Variants in NRXN3 observed in about 807,000 individuals in gnomAD.
The protein encoded by NRXN3 is neurexin 3, also known as neurexin III.
Under a neutral mutation model 137.6 loss-of-function variants are expected in NRXN3, and 32 were observed. That is an observed-to-expected ratio of 0.23 (90% CI 0.18 to 0.31). NRXN3 has a LOEUF of 0.31. NRXN3 is among the 10% of genes least tolerant of loss of function. The probability of loss-of-function intolerance (pLI) is 1.00; values close to 1 mark genes in which losing one functional copy is unlikely to be tolerated. For missense variants in NRXN3, 1,574 were observed against 2,062.5 expected (o/e 0.76, Z 4.59); for synonymous variants, 798 against 784.5 (o/e 1.02, Z -0.29).
intron 17 of NRXN3, among the ~76,000 whole-genome samples, chr14:79,676,189 T>C (rs972691086): frequency 1.1e-4 from 17 of 152,106 alleles, no homozygotes; most frequent in African/African-American, 3.6e-4. Flanking sequence ...TAGCCCACTT[T>C]AGAGGTGGCT....
intron 3 of NRXN3, among the ~76,000 whole-genome samples, chr14:78,291,391 T>C (rs2075789739): frequency 6.6e-6 from 1 of 152,214 alleles, no homozygotes; most frequent in African/African-American, 2.4e-5. Flanking sequence ...TTATTGTAAT[T>C]CTCTTTACCA....
chr14:78,659,130 G>A (rs531126680), intron 6 of NRXN3, among the ~76,000 whole-genome samples: 7 of 152,196 alleles, frequency 4.6e-5, no homozygotes, highest in African/African-American at 9.6e-5. Flanking sequence ...GATTGGTGTC[G>A]TTATAAGAAG....
At chr14:79,571,169 A>G (rs754844519) in intron 16 of NRXN3, among the ~76,000 whole-genome samples, 22 of 152,180 alleles carry the variant, frequency 1.4e-4, no homozygotes, top group Admixed American at 2.6e-4. Flanking sequence ...TGCCTGCAAT[A>G]TATGCCAGAG....
chr14:79,608,863 A>T (rs1283418361), intron 16 of NRXN3, among the ~76,000 whole-genome samples: 1 of 151,904 alleles, frequency 6.6e-6, no homozygotes, highest in South Asian at 2.1e-4. Flanking sequence ...AAAAGTGTTT[A>T]TTGACGAGCC....
At chr14:79,847,627 A>G (rs1603619321) in intron 20 of NRXN3, among the ~76,000 whole-genome samples, 1 of 152,318 alleles carries the variant, frequency 6.6e-6, no homozygotes, top group Non-Finnish European at 1.5e-5. Flanking sequence ...CAAATGCATC[A>G]AGATGTTATT....
chr14:79,782,450 G>T (rs1015428396), intron 19 of NRXN3, among the ~76,000 whole-genome samples: 1 of 152,090 alleles, frequency 6.6e-6, no homozygotes, highest in Non-Finnish European at 1.5e-5. Flanking sequence ...AGTAAAACAC[G>T]CATACAAATG....
chr14:78,814,636 G>A (rs2098925926), intron 10 of NRXN3, among the ~76,000 whole-genome samples: 1 of 152,026 alleles, frequency 6.6e-6, no homozygotes. Context: ...AAAAACAAAA[G>A]CAAAAAGAAC....
intron 19 of NRXN3, among the ~76,000 whole-genome samples, chr14:79,733,675 T>TTG (rs2098932016): frequency 3.2e-5 from 2 of 62,812 alleles, no homozygotes; most frequent in African/African-American, 1.4e-4. Context: ...GCTGTTGTTG[T>TTG]TTTTTTTTTT....
At chr14:79,836,712 C>G (rs959469710) in intron 20 of NRXN3, among the ~76,000 whole-genome samples, 27 of 152,178 alleles carry the variant, frequency 1.8e-4, no homozygotes, top group Non-Finnish European at 4.4e-5. Flanking sequence ...TGGGACAGAG[C>G]TTTCCAGAGC....
chr14:79,385,906 C>T (rs552446883), intron 15 of NRXN3, among the ~76,000 whole-genome samples: 5 of 152,076 alleles, frequency 3.3e-5, no homozygotes, highest in African/African-American at 1.2e-4. Context: ...AATTCAACAG[C>T]CCTTCATGCT....
chr14:79,571,555 T>C (rs1241368216), intron 16 of NRXN3, among the ~76,000 whole-genome samples: 1 of 152,148 alleles, frequency 6.6e-6, no homozygotes, highest in Non-Finnish European at 1.5e-5. Context: ...GCTTCCGCAA[T>C]GAATGCCTGG....
At chr14:78,323,893 T>C (rs1469198972) in intron 4 of NRXN3, among the ~76,000 whole-genome samples, 1 of 152,052 alleles carries the variant, frequency 6.6e-6, no homozygotes, top group Non-Finnish European at 1.5e-5. Flanking sequence ...AGATCTGTAC[T>C]TACCAGCCAT....
At chr14:78,879,336 G>C (rs112037581) in intron 10 of NRXN3, among the ~76,000 whole-genome samples, 1 of 152,124 alleles carries the variant, frequency 6.6e-6, no homozygotes, top group Non-Finnish European at 1.5e-5. Flanking sequence ...GTATACCAGG[G>C]TTCCCTTTTC....
chr14:78,574,293 C>T (rs1011995998), intron 4 of NRXN3, among the ~76,000 whole-genome samples: 20 of 152,376 alleles, frequency 1.3e-4, no homozygotes, highest in African/African-American at 4.6e-4. Flanking sequence ...CCCACTGGGG[C>T]ACTGCCTAGT....
rs533661305 is a variant in NRXN3 at position 79,790,048 on chromosome 14, G to A, written c.4015-15064G>A. On this transcript the variant is annotated intron_variant, in intron 19 of 20. Transcript: ENST00000335750. ...CAATTCAGTCTGGGATATGCTGACT[G>A]CTCATGTTTCCAAGATATTTAATCA... Among the ~76,000 whole-genome samples, 4 of 152,302 alleles carry A rather than the reference G, an allele frequency of 2.6e-5. No individual in the cohort carries two copies. The South Asian group carries it at 8.3e-4, about 32-fold the overall frequency.
chr14:78,206,754 T>C (rs2062223163), intron 1 of NRXN3, among the ~76,000 whole-genome samples: 1 of 152,150 alleles, frequency 6.6e-6, no homozygotes. Context: ...TGTTGGAGAT[T>C]ATGGAGTCCA....
chr14:78,835,446 AG>A (rs2098993938), intron 10 of NRXN3, among the ~76,000 whole-genome samples: 2 of 152,040 alleles, frequency 1.3e-5, no homozygotes, highest in African/African-American at 4.8e-5. Flanking sequence ...CAGGGACATG[AG>A]ATTTATTATC....
intron 18 of NRXN3, among the ~76,000 whole-genome samples, chr14:79,693,089 T>C (rs1240468430): frequency 1.3e-5 from 2 of 152,044 alleles, no homozygotes; most frequent in African/African-American, 4.8e-5. Flanking sequence ...TAACTGATGT[T>C]AGAATTTTCC....
intron 10 of NRXN3, among the ~76,000 whole-genome samples, chr14:78,864,978 G>A (rs2099082862): frequency 6.6e-6 from 1 of 152,188 alleles, no homozygotes; most frequent in Admixed American, 6.5e-5. Context: ...GGGGAGAAGA[G>A]TGAGAGAAAG....
Sources: allele counts gnomAD v4.1 joint callset (sites outside exome capture counted in the v4.1 genomes callset), GRCh38; gene constraint gnomAD v4.1.1; transcripts MANE v1.5; gene names NCBI Gene and HGNC (gene_info 2026-07-23, HGNC 2026-07-21).